Variants in BAZ2B observed in about 807,000 individuals in gnomAD.
BAZ2B encodes bromodomain adjacent to zinc finger domain protein 2B.
A neutral mutation model predicts 246.0 loss-of-function variants in BAZ2B; 91 were observed. The observed-to-expected ratio is 0.37, with a 90% confidence interval of 0.31 to 0.44. BAZ2B has a LOEUF of 0.44. Among genes scored for constraint, BAZ2B ranks in the 20% least tolerant of loss-of-function variants. The pLI, the probability that BAZ2B is intolerant of heterozygous loss-of-function variation, is 1.00. For synonymous variants in BAZ2B, 855 were observed against 860.0 expected, an observed-to-expected ratio of 0.99 and a Z score of 0.10; for missense variants, 2,332 against 2,533.7, an observed-to-expected ratio of 0.92 and a Z score of 1.71.
chr2:159,569,163 C>A (rs1683332327), intron 1 of BAZ2B, among the ~76,000 whole-genome samples: 1 of 152,112 alleles, frequency 6.6e-6, no homozygotes, highest in Admixed American at 6.6e-5. Context: ...CAGCGATGTT[C>A]TCAAAACAAC....
chr2:159,495,531 A>T (rs927158066), intron 2 of BAZ2B, among the ~76,000 whole-genome samples: 1 of 150,710 alleles, frequency 6.6e-6, no homozygotes, highest in Non-Finnish European at 1.5e-5. Flanking sequence ...ATATGAAAAA[A>T]GAAAATGCTT....
intron 4 of BAZ2B, 103 bp downstream of exon 4, chr2:159,453,510 T>C: frequency 3.1e-6 from 4 of 1,283,114 alleles, no homozygotes; most frequent in South Asian, 3.9e-5. Context: ...GTTTTAAATA[T>C]ACCAGGCATT....
At chr2:159,359,736 A>C (rs1576054564) in intron 27 of BAZ2B, among the ~76,000 whole-genome samples, 1 of 152,232 alleles carries the variant, frequency 6.6e-6, no homozygotes, top group South Asian at 2.1e-4. Flanking sequence ...ATCCAGCAGC[A>C]TATCAAAAAG....
chr2:159,466,965 C>T (rs572394670), intron 3 of BAZ2B, among the ~76,000 whole-genome samples: 38 of 152,270 alleles, frequency 2.5e-4, no homozygotes, highest in African/African-American at 4.1e-4. Context: ...TGAGTACCCA[C>T]GAGCCAGTCA....
At chr2:159,669,658 A>T in the BAZ2B span, among the ~76,000 whole-genome samples, 868 of 152,188 alleles carry the variant, frequency 5.7e-3, 6 homozygotes, top group African/African-American at 0.02. Flanking sequence ...CTCTGATAAT[A>T]CCCTCAGTCT....
chr2:159,353,531 T>C (rs2058774029), intron 27 of BAZ2B, among the ~76,000 whole-genome samples: 1 of 152,166 alleles, frequency 6.6e-6, no homozygotes, highest in Non-Finnish European at 1.5e-5. Context: ...GCTAGAGTGC[T>C]CAGGAGAATA....
At chr2:159,465,941 A>G (rs1184922949) in intron 3 of BAZ2B, among the ~76,000 whole-genome samples, 1 of 152,090 alleles carries the variant, frequency 6.6e-6, no homozygotes, top group African/African-American at 2.4e-5. Flanking sequence ...AAGAGACTTT[A>G]TTTAGGATGT....
intron 1 of BAZ2B, among the ~76,000 whole-genome samples, chr2:159,603,160 A>G (rs1345158862): frequency 6.6e-6 from 1 of 152,176 alleles, no homozygotes; most frequent in Non-Finnish European, 1.5e-5. Flanking sequence ...CAAAAACAAA[A>G]AACTTAAATG....
At chr2:159,463,311 C>T (rs1394000742) in intron 3 of BAZ2B, 6 of 307,772 alleles carry the variant, frequency 1.9e-5, no homozygotes, top group Admixed American at 8.1e-5. Context: ...GATTCCTTAA[C>T]GTGTCTATTG....
intron 13 of BAZ2B, among the ~76,000 whole-genome samples, chr2:159,415,958 G>A (rs1288021136): frequency 6.6e-6 from 1 of 152,092 alleles, no homozygotes; most frequent in African/African-American, 2.4e-5. Context: ...GGAAATTCAG[G>A]CTGAGTGAGG....
chr2:159,557,857 A>C (rs1245514450), intron 1 of BAZ2B, among the ~76,000 whole-genome samples: 1 of 152,228 alleles, frequency 6.6e-6, no homozygotes, highest in Non-Finnish European at 1.5e-5. Flanking sequence ...CTATTTAAAG[A>C]AAATATGCCA....
chr2:159,594,838 G>C (rs905453492), intron 1 of BAZ2B, among the ~76,000 whole-genome samples: 6 of 152,172 alleles, frequency 3.9e-5, no homozygotes, highest in African/African-American at 1.2e-4. Context: ...TCACCATGTT[G>C]CCCAGGCTGG....
intron 17 of BAZ2B, among the ~76,000 whole-genome samples, 155 bp downstream of exon 17, chr2:159,400,444 A>G (rs1189457449): frequency 1.3e-5 from 2 of 152,206 alleles, no homozygotes; most frequent in African/African-American, 4.8e-5. Flanking sequence ...CTTGCTAAAT[A>G]AGGCTCAGAT....
Position 159,438,287 on chromosome 2 carries a change from A to G in BAZ2B, c.1293+16T>C. On this transcript the variant is annotated intron_variant, in intron 8 of 36. Coordinates refer to ENST00000392783, the MANE Select transcript of BAZ2B (RefSeq NM_013450.4). The stretch of plus-strand genomic sequence containing the variant: ...CTCTAATAGTAAAATTCTTGTATAA[A>G]TAATTTGTAACTCACCCGTTTGGAT... 1 of 1,596,816 alleles carries G rather than the reference A, an allele frequency of 6.3e-7. No individual in the cohort carries two copies. The highest frequency in any genetic ancestry group is 8.5e-7 in the Non-Finnish European group (1 of 1,172,808).
the BAZ2B span, among the ~76,000 whole-genome samples, chr2:159,622,894 C>A: frequency 6.6e-6 from 1 of 150,814 alleles, no homozygotes; most frequent in African/African-American, 2.4e-5. Flanking sequence ...CTATTCGAAG[C>A]CTGGGAGGTC....
At chr2:159,661,939 T>G in the BAZ2B span, among the ~76,000 whole-genome samples, 1 of 152,156 alleles carries the variant, frequency 6.6e-6, no homozygotes, top group Non-Finnish European at 1.5e-5. Context: ...CAATACATTT[T>G]CATTACTCCC....
chr2:159,602,671 A>C (rs1021826515), intron 1 of BAZ2B, among the ~76,000 whole-genome samples: 1 of 152,164 alleles, frequency 6.6e-6, no homozygotes, highest in African/African-American at 2.4e-5. Context: ...AGACACTACA[A>C]ATCAAGGCTC....
At chr2:159,434,239 C>T (rs1169813519) in intron 8 of BAZ2B, 1 of 150,370 alleles carries the variant, frequency 6.7e-6, no homozygotes, top group Admixed American at 6.6e-5. Context: ...CGGCTCACTG[C>T]AACCTCTGCC....
At chr2:159,340,064 A>C (rs902225964) in intron 31 of BAZ2B, among the ~76,000 whole-genome samples, 3 of 152,170 alleles carry the variant, frequency 2.0e-5, no homozygotes, top group African/African-American at 7.2e-5. Context: ...CAACAGAGAC[A>C]GATATAAAAA....
Sources: gnomAD v4.1 joint callset for allele counts (sites outside exome capture counted in the v4.1 genomes callset) on GRCh38, gnomAD v4.1.1 for gene constraint, MANE v1.5 for transcripts, NCBI Gene and HGNC (gene_info 2026-07-23, HGNC 2026-07-21) for gene names.